HPSE2: variants seen among roughly 807,000 people sequenced by gnomAD.
HPSE2 encodes inactive heparanase-2.
A neutral mutation model predicts 60.5 loss-of-function variants in HPSE2; 38 were observed. The ratio of observed to expected loss-of-function variants is 0.63; its 90% CI spans 0.48 to 0.82. The LOEUF is 0.82. Among genes scored for constraint, HPSE2 ranks in the 40% least tolerant of loss-of-function variants. The probability of loss-of-function intolerance (pLI) is 0.00; values close to 1 mark genes in which losing one functional copy is unlikely to be tolerated. For missense variants in HPSE2, 713 were observed against 740.4 expected, an observed-to-expected ratio of 0.96 and a Z score of 0.43; for synonymous variants, 295 against 293.2, an observed-to-expected ratio of 1.01 and a Z score of -0.06.
chr10:98,738,506 C>G (rs899574246), intron 4 of HPSE2, among the ~76,000 whole-genome samples: 2 of 152,106 alleles, frequency 1.3e-5, no homozygotes, highest in Non-Finnish European at 2.9e-5. Context: ...AGCTTCTGCA[C>G]AGCAAAAGAA....
At chr10:98,745,841 C>T (rs2031261988) in intron 3 of HPSE2, among the ~76,000 whole-genome samples, 1 of 152,068 alleles carries the variant, frequency 6.6e-6, no homozygotes, top group Non-Finnish European at 1.5e-5. Flanking sequence ...CACTAGGGTT[C>T]CACAAGAGGT....
the HPSE2 span, among the ~76,000 whole-genome samples, chr10:99,290,939 T>C: frequency 1.3e-5 from 2 of 152,154 alleles, no homozygotes; most frequent in Admixed American, 1.3e-4. Context: ...GAAAATTAAG[T>C]CCTAGGGATA....
the HPSE2 span, among the ~76,000 whole-genome samples, chr10:99,287,847 C>T: frequency 6.6e-6 from 1 of 152,062 alleles, no homozygotes; most frequent in Non-Finnish European, 1.5e-5. Flanking sequence ...AAGCTAGTTA[C>T]TGAGGAGTAA....
the HPSE2 span, among the ~76,000 whole-genome samples, chr10:99,290,982 T>C: frequency 6.6e-6 from 1 of 152,136 alleles, no homozygotes; most frequent in African/African-American, 2.4e-5. Flanking sequence ...TCAAAAAGAC[T>C]TTTTGGTCTG....
At chr10:99,276,253 C>T in the HPSE2 span, among the ~76,000 whole-genome samples, 1 of 152,182 alleles carries the variant, frequency 6.6e-6, no homozygotes, top group African/African-American at 2.4e-5. Flanking sequence ...ATACTCGGTG[C>T]TTCATATACA....
At position 99,036,401 on chromosome 10, in the gene HPSE2, A is replaced by G. The variant is rs1957611234; in HGVS notation, c.610+107837T>C. 2.0e-5 allele frequency among the ~76,000 whole-genome samples: 3 copies of G among 152,268 alleles called. No individual in the cohort carries two copies. The South Asian group carries it at 6.2e-4, about 32-fold the overall frequency. On this transcript the variant is annotated intron_variant, in intron 3 of 11. Coordinates refer to ENST00000370552, the MANE Select transcript of HPSE2 (RefSeq NM_021828.5). Reference sequence around the variant, plus strand: ...AAACAATAAGAATGAGACATATCTAAAAAACACAGGTGTCAACCTGAAGGA... The same window carrying G: ...AAACAATAAGAATGAGACATATCTAGAAAACACAGGTGTCAACCTGAAGGA...
In HPSE2 at chr10:98,663,431, G is replaced by A. The variant is rs150521945; in HGVS notation, c.1005-21491C>T. Among the ~76,000 whole-genome samples the A allele has an allele frequency of 1.7e-3, 261 of 152,304 alleles. 1 individual carries two copies. Among genetic ancestry groups the A allele is most frequent in the Admixed American group, 0.012 (184 of 15,292 alleles). On this transcript the variant is annotated intron_variant, in intron 6 of 11. Transcript: ENST00000370552. The stretch of plus-strand genomic sequence containing the variant: ...TAGAGGGTTCTAGGGCTGACTAGAA[G>A]TGGCTAGTATGTGCCACTCTCACAG...
At position 98,882,426 on chromosome 10, in the gene HPSE2, G is replaced by A. The variant is rs552491377; in HGVS notation, c.611-138370C>T. On this transcript the variant is annotated intron_variant, in intron 3 of 11. Coordinates refer to ENST00000370552, the MANE Select transcript of HPSE2 (RefSeq NM_021828.5). ...TTCTCAAAAGTCATGAGTCAGTTGCGGCTCTGCTGGATATGGCTGAAATAG... is the reference window on the plus strand; with the variant it reads ...TTCTCAAAAGTCATGAGTCAGTTGCAGCTCTGCTGGATATGGCTGAAATAG... 1.0e-3 allele frequency among the ~76,000 whole-genome samples: 159 copies of A among 151,936 alleles called. 1 individual carries two copies. The highest frequency in any genetic ancestry group is 3.6e-3 in the African/African-American group (149 of 41,456).
chr10:98,986,008 TACAA>T (rs1454321912), intron 3 of HPSE2, among the ~76,000 whole-genome samples: 15 of 152,166 alleles, frequency 9.9e-5, no homozygotes, highest in Admixed American at 9.2e-4. Flanking sequence ...CTTAGAGACC[TACAA>T]ACAGACTTAG....
chr10:98,459,163 C>T lies in HPSE2; in HGVS notation c.*411G>A, dbSNP rs1940170729. The T allele has an allele frequency of 8.1e-6, 2 of 246,202 alleles. No individual in the cohort carries two copies. Among genetic ancestry groups the T allele is most frequent in the Non-Finnish European group, 8.1e-6 (1 of 123,898 alleles). The allele number at this position is 246,202 out of a possible 1,614,324, so 15.3% of individuals were successfully genotyped here. On this transcript the variant is annotated 3_prime_UTR_variant, in exon 12 of 12. Transcript: ENST00000370552. ...GTAGGTCCACCCAGTTTTTTTCCTT[C>T]CTCATCTTCCTCTGAGGGCAGCAGC... is the stretch of plus-strand genomic sequence containing the variant.
intron 3 of HPSE2, among the ~76,000 whole-genome samples, chr10:99,123,809 G>A (rs1395316512): frequency 6.6e-6 from 1 of 152,134 alleles, no homozygotes; most frequent in African/African-American, 2.4e-5. Flanking sequence ...AAGTGATCCT[G>A]TCAAGTTTGC....
At chr10:99,242,681 G>C in the HPSE2 span, among the ~76,000 whole-genome samples, 1 of 152,120 alleles carries the variant, frequency 6.6e-6, no homozygotes, top group East Asian at 1.9e-4. Flanking sequence ...AAAAAGTGTG[G>C]ACTTTGGAGT....
the HPSE2 span, among the ~76,000 whole-genome samples, chr10:99,271,501 C>G: frequency 6.6e-6 from 1 of 152,142 alleles, no homozygotes; most frequent in African/African-American, 2.4e-5. Flanking sequence ...ACAGATGACA[C>G]AAACAAATGG....
intron 9 of HPSE2, among the ~76,000 whole-genome samples, chr10:98,609,344 G>A (rs549435456): frequency 1.3e-5 from 2 of 152,304 alleles, no homozygotes; most frequent in South Asian, 2.1e-4. Context: ...AATGCAATAA[G>A]TGTTTACGAA....
chr10:98,842,526 GT>G (rs1951939561), intron 3 of HPSE2, among the ~76,000 whole-genome samples: 1 of 128,688 alleles, frequency 7.8e-6, no homozygotes, highest in South Asian at 2.4e-4. Flanking sequence ...CTTCTTTTTT[GT>G]TTTTAAGTGT....
At chr10:98,590,492 TC>T (rs573236728) in intron 9 of HPSE2, among the ~76,000 whole-genome samples, 33 of 152,310 alleles carry the variant, frequency 2.2e-4, no homozygotes, top group African/African-American at 7.5e-4. Context: ...CACCCTTTAT[TC>T]TTTCATTTTC....
chr10:99,150,480 G>A (rs1231223439), intron 2 of HPSE2, among the ~76,000 whole-genome samples: 1 of 152,038 alleles, frequency 6.6e-6, no homozygotes, highest in Non-Finnish European at 1.5e-5. Flanking sequence ...CACCATACCT[G>A]GCTAAATTTT....
At chr10:98,781,525 G>A (rs1198739899) in intron 3 of HPSE2, among the ~76,000 whole-genome samples, 12 of 151,872 alleles carry the variant, frequency 7.9e-5, no homozygotes, top group African/African-American at 2.9e-4. Flanking sequence ...CCAGAAAGAC[G>A]TACACCTAAA....
At chr10:98,688,350 GC>G (rs1343084677) in intron 6 of HPSE2, among the ~76,000 whole-genome samples, 1 of 151,410 alleles carries the variant, frequency 6.6e-6, no homozygotes, top group African/African-American at 2.4e-5. Context: ...GGAAAAAGTA[GC>G]CTTTTATATT....
Sources: allele counts gnomAD v4.1 joint callset (sites outside exome capture counted in the v4.1 genomes callset), GRCh38; gene constraint gnomAD v4.1.1; transcripts MANE v1.5; gene names NCBI Gene and HGNC (gene_info 2026-07-23, HGNC 2026-07-21).